Variants in ASB3 observed in about 807,000 individuals in gnomAD.
ASB3 encodes the protein ankyrin repeat and SOCS box containing 3.
ASB3 carries 41 observed loss-of-function variants against 54.5 expected under a neutral mutation model. That is an observed-to-expected ratio of 0.75 (90% confidence interval 0.59 to 0.98). ASB3 has a LOEUF of 0.98. ASB3 is among the 50% of genes least tolerant of loss of function. ASB3 has a pLI of 0.00. For missense variants in ASB3, 733 were observed against 620.0 expected (o/e 1.18, Z -1.94); for synonymous variants, 266 against 221.2 (o/e 1.20, Z -1.80).
intron 1 of ASB3, among the ~76,000 whole-genome samples, chr2:53,781,086 A>G (rs1674617764): frequency 6.6e-6 from 1 of 152,168 alleles, no homozygotes; most frequent in South Asian, 2.1e-4. Context: ...CAGGAACAAA[A>G]TGAAATTAAG....
intron 9 of ASB3, among the ~76,000 whole-genome samples, chr2:53,685,132 G>A (rs557938781): frequency 6.6e-6 from 1 of 152,174 alleles, no homozygotes. Context: ...GAGAAATCGA[G>A]TTCTTTTACA....
At chr2:53,770,679 T>C (rs1673841804) in intron 1 of ASB3, among the ~76,000 whole-genome samples, 1 of 152,140 alleles carries the variant, frequency 6.6e-6, no homozygotes, top group Non-Finnish European at 1.5e-5. Flanking sequence ...TCATAATATA[T>C]CATTTCAACC....
chr2:53,709,226 T>C (rs1041091072), intron 7 of ASB3, among the ~76,000 whole-genome samples: 6 of 152,170 alleles, frequency 3.9e-5, no homozygotes, highest in South Asian at 2.1e-4. Flanking sequence ...CCCTGCATCC[T>C]AGCCACTCCT....
chr2:53,774,708 ACAT>A, intron 1 of ASB3: 1 of 492,170 alleles, frequency 2.0e-6, no homozygotes, highest in Non-Finnish European at 3.4e-6. Flanking sequence ...AATTTTAATA[ACAT>A]AAAGATTTCC....
intron 5 of ASB3, among the ~76,000 whole-genome samples, chr2:53,727,046 A>T (rs1671039981): frequency 6.6e-6 from 1 of 152,166 alleles, no homozygotes; most frequent in Non-Finnish European, 1.5e-5. Flanking sequence ...GGAAGGTATG[A>T]TGTAGTAGAA....
chr2:53,706,326 G>A (rs565328504), intron 7 of ASB3, among the ~76,000 whole-genome samples: 1 of 152,332 alleles, frequency 6.6e-6, no homozygotes, highest in East Asian at 1.9e-4. Flanking sequence ...TATTTTTAAT[G>A]CCTAATAGGA....
rs1325001637 is a variant in ASB3 at position 53,729,515 on chromosome 2, A to G, written c.411T>C (p.Asn137=). Residue 137 remains asparagine, a synonymous_variant, in exon 4 of 10, where the codon AAT becomes AAC. Coordinates refer to ENST00000263634, the MANE Select transcript of ASB3 (RefSeq NM_016115.5). ...CACACATAGAATGGGATCCATTAAC[A>G]TTTGCTCCGTGTTGAAGCAACAGCC... ...VLRLLLQHGA[N]VNGSHSMCGW... 4.3e-6 allele frequency: 7 copies of G among 1,613,948 alleles called. No individual in the cohort carries two copies. In the South Asian group the frequency reaches 5.5e-5, roughly 13 times the overall value.
chr2:53,744,900 T>C (rs995185631), intron 3 of ASB3, among the ~76,000 whole-genome samples: 2 of 152,178 alleles, frequency 1.3e-5, no homozygotes, highest in African/African-American at 4.8e-5. Flanking sequence ...CCCAACACTA[T>C]TTATAAAACA....
chr2:53,758,506 C>G (rs567311640), intron 2 of ASB3, among the ~76,000 whole-genome samples: 2 of 152,180 alleles, frequency 1.3e-5, no homozygotes, highest in Non-Finnish European at 2.9e-5. Context: ...GATGGGGCAG[C>G]TGGGTTGTTA....
At chr2:53,733,416 T>C (rs1671429877) in intron 3 of ASB3, among the ~76,000 whole-genome samples, 1 of 151,550 alleles carries the variant, frequency 6.6e-6, no homozygotes, top group Non-Finnish European at 1.5e-5. Context: ...TCTGTGTCCT[T>C]TCCCTCAATT....
chr2:53,725,850 G>C (rs922251890), intron 5 of ASB3, among the ~76,000 whole-genome samples: 26 of 152,226 alleles, frequency 1.7e-4, no homozygotes, highest in Non-Finnish European at 3.4e-4. Flanking sequence ...GATTTCTATA[G>C]GGTAGATGTT....
chr2:53,769,125 C>T (rs1673709388), intron 1 of ASB3, among the ~76,000 whole-genome samples: 1 of 152,178 alleles, frequency 6.6e-6, no homozygotes, highest in South Asian at 2.1e-4. Flanking sequence ...ATTTACAGAT[C>T]AACAGAAATG....
chr2:53,768,051 C>T, intron 1 of ASB3: 1 of 1,609,432 alleles, frequency 6.2e-7, no homozygotes, highest in Non-Finnish European at 8.5e-7. Flanking sequence ...CCCACACTTA[C>T]TGCCCCCTGA....
At chr2:53,766,422 T>C (rs138343832) in intron 1 of ASB3, among the ~76,000 whole-genome samples, 9 of 152,342 alleles carry the variant, frequency 5.9e-5, no homozygotes, top group East Asian at 3.9e-4. Context: ...TACATAACTA[T>C]TGTTAATTTT....
chr2:53,705,957 G>C (rs960604009), intron 7 of ASB3, among the ~76,000 whole-genome samples: 1 of 152,110 alleles, frequency 6.6e-6, no homozygotes, highest in Non-Finnish European at 1.5e-5. Context: ...TCCGGGCAAG[G>C]TGATCTGTAC....
At chr2:53,719,952 C>T (rs1470724079) in intron 5 of ASB3, among the ~76,000 whole-genome samples, 12 of 152,136 alleles carry the variant, frequency 7.9e-5, no homozygotes, top group Admixed American at 5.9e-4. Context: ...AACTGCTTAG[C>T]GCAACCCTGC....
chr2:53,749,576 G>GT (rs1391671637), intron 3 of ASB3, among the ~76,000 whole-genome samples: 3 of 152,094 alleles, frequency 2.0e-5, no homozygotes, highest in African/African-American at 7.2e-5. Flanking sequence ...TGGATAAACT[G>GT]TATCACATCT....
intron 3 of ASB3, among the ~76,000 whole-genome samples, chr2:53,745,543 A>G (rs1236747222): frequency 6.6e-6 from 1 of 152,186 alleles, no homozygotes; most frequent in African/African-American, 2.4e-5. Context: ...CCCTCCATTT[A>G]GCTTTATGTT....
chr2:53,763,539 G>C (rs924582185), intron 2 of ASB3: 19 of 169,326 alleles, frequency 1.1e-4, no homozygotes, highest in Middle Eastern at 5.1e-4. Context: ...CCGAACTTGA[G>C]GAGCATCCAT....
Sources: allele counts gnomAD v4.1 joint callset (sites outside exome capture counted in the v4.1 genomes callset), GRCh38; gene constraint gnomAD v4.1.1; transcripts MANE v1.5; gene names NCBI Gene and HGNC (gene_info 2026-07-23, HGNC 2026-07-21).